Variants in GPI observed in about 807,000 individuals in gnomAD.
The protein encoded by GPI is D-hexose-6-phosphate anomerase.
In GPI, 56 loss-of-function variants were observed where a neutral mutation model predicts 75.8. The observed-to-expected ratio is 0.74, with a 90% CI of 0.60 to 0.92. GPI has a LOEUF of 0.92. Ranked by LOEUF, GPI falls within the 40% of genes least tolerant of loss-of-function variation. The probability of loss-of-function intolerance (pLI) is 0.00; values close to 1 mark genes in which losing one functional copy is unlikely to be tolerated. For missense variants in GPI, 638 were observed against 741.0 expected (o/e 0.86, Z 1.61); for synonymous variants, 288 against 285.4 (o/e 1.01, Z -0.09).
chr19:34,393,539 C>T lies in GPI; in HGVS notation c.866-189C>T. ...AACTGCAGTCCTGTTTCTCTCCTAT[C>T]CTAGGCAGAGTCAGATCCCTGCACT... is the stretch of plus-strand genomic sequence containing the variant. On this transcript the variant is annotated intron_variant, in intron 10 of 17. Coordinates refer to ENST00000356487, the MANE Select transcript of GPI (RefSeq NM_000175.5). This position sits in a 1 kb window ranked among gnomAD's most constrained non-coding sequence, Gnocchi z 4.4. 1.4e-6 allele frequency: 1 copy of T among 713,092 alleles called. No homozygotes were observed. Among genetic ancestry groups the T allele is most frequent in the Non-Finnish European group, 2.5e-6 (1 of 402,798 alleles). The allele number at this position is 713,092 out of a possible 1,614,324, so 44.2% of individuals were successfully genotyped here.
intron 9 of GPI, among the ~76,000 whole-genome samples, chr19:34,384,228 C>G (rs1420961122): frequency 6.6e-6 from 1 of 151,874 alleles, no homozygotes; most frequent in Non-Finnish European, 1.5e-5. Flanking sequence ...AGAGACCAGA[C>G]AAAGGGATGG....
chr19:34,375,011 T>C (rs2074512557), intron 4 of GPI, among the ~76,000 whole-genome samples: 1 of 152,154 alleles, frequency 6.6e-6, no homozygotes, highest in Non-Finnish European at 1.5e-5. Flanking sequence ...ATTATAGGCA[T>C]GAGCCACTGA....
chr19:34,366,957 C>T, intron 3 of GPI, 106 bp downstream of exon 3: 2 of 909,546 alleles, frequency 2.2e-6, no homozygotes, highest in Non-Finnish European at 3.7e-6. Flanking sequence ...TTGGGCAATG[C>T]TTTTGCTTAA....
At chr19:34,391,487 T>TGA (rs1216580366) in intron 9 of GPI, among the ~76,000 whole-genome samples, 1 of 916 alleles carries the variant, frequency 1.1e-3, no homozygotes, top group South Asian at 0.022. Flanking sequence ...TTCCAGTGAC[T>TGA]TAGGAGGTAC....
upstream of GPI, among the ~76,000 whole-genome samples, chr19:34,362,113 CAAA>C (rs71165651): frequency 0.16 from 12,614 of 79,468 alleles, 797 homozygotes; most frequent in African/African-American, 0.27. Context: ...GACTCCATCT[CAAA>C]AAAAAAAAAA....
In GPI at chr19:34,377,554, G is replaced by A. The variant is rs775128644; in HGVS notation, c.454G>A (p.Val152Ile). 2.5e-5 allele frequency: 40 copies of A among 1,613,150 alleles called. 1 individual carries two copies. The Middle Eastern group carries it at 4.9e-3, about 199-fold the overall frequency. ...KGYTGKTITDVINIGIGGSDL... is the reference protein window; with the variant it reads ...KGYTGKTITDIINIGIGGSDL... Reference sequence around the variant, plus strand: ...GTACACAGGCAAGACCATCACGGACGTCATCAACATTGGCATTGGCGGCTC... The same window carrying A: ...GTACACAGGCAAGACCATCACGGACATCATCAACATTGGCATTGGCGGCTC... The change falls in exon 5 of 18, where the codon GTC becomes ATC. Residue 152 changes from valine to isoleucine, a missense_variant. Transcript: ENST00000356487.
At chr19:34,391,004 G>T (rs1242093714) in intron 9 of GPI, among the ~76,000 whole-genome samples, 1 of 151,728 alleles carries the variant, frequency 6.6e-6, no homozygotes, top group Admixed American at 6.6e-5. Context: ...GTAGCACCTG[G>T]CACAGGTATG....
chr19:34,387,837 C>G (rs547689452), intron 9 of GPI, among the ~76,000 whole-genome samples: 3 of 152,246 alleles, frequency 2.0e-5, no homozygotes, highest in South Asian at 4.2e-4. Flanking sequence ...TGGGTGGGGT[C>G]TAGCACAGGA....
rs759147478 is a variant in GPI, at chr19:34,393,537, A to G, written c.866-191A>G. The stretch of plus-strand genomic sequence containing the variant: ...ACAACTGCAGTCCTGTTTCTCTCCT[A>G]TCCTAGGCAGAGTCAGATCCCTGCA... On this transcript the variant is annotated intron_variant, in intron 10 of 17. Transcript: ENST00000356487. This position sits in a 1 kb window ranked among gnomAD's most constrained non-coding sequence, Gnocchi z 4.4. 2 of 710,582 alleles carry G rather than the reference A, an allele frequency of 2.8e-6. No homozygotes were observed. Among genetic ancestry groups the G allele is most frequent in the Non-Finnish European group, 5.0e-6 (2 of 401,060 alleles). The allele number at this position is 710,582 out of a possible 1,614,324, so 44.0% of individuals were successfully genotyped here.
At chr19:34,383,536 C>T (rs1177956851) in intron 9 of GPI, among the ~76,000 whole-genome samples, 4 of 152,186 alleles carry the variant, frequency 2.6e-5, no homozygotes, top group Admixed American at 6.5e-5. Context: ...ACACACAGGT[C>T]AGCACCTGCT....
intron 9 of GPI, among the ~76,000 whole-genome samples, chr19:34,387,270 C>T (rs148105218): frequency 6.6e-5 from 10 of 152,330 alleles, no homozygotes; most frequent in South Asian, 2.1e-4. Flanking sequence ...ACCATTGCAT[C>T]GATGCTCAGT....
chr19:34,377,535 AG>A lies in GPI; in HGVS notation c.437del (p.Gly146AlafsTer22). 1 of 1,613,094 alleles carries A rather than the reference AG, an allele frequency of 6.2e-7. No individual in the cohort carries two copies. On this transcript the variant is annotated frameshift_variant, in exon 5 of 18. Transcript: ENST00000356487. LOFTEE classifies it high-confidence loss of function. ...VRSGDWKGYT[G>X]KTITDVINIG... ...GGAGCGGTGACTGGAAGGGGTACAC[AG>A]GCAAGACCATCACGGACGTCATCAA...
intron 9 of GPI, among the ~76,000 whole-genome samples, chr19:34,387,909 G>A (rs1297125114): frequency 1.3e-5 from 2 of 152,132 alleles, no homozygotes; most frequent in African/African-American, 2.4e-5. Context: ...TGAGACCTTC[G>A]GTGGTAGGGT....
At chr19:34,386,591 C>G (rs552437089) in intron 9 of GPI, among the ~76,000 whole-genome samples, 9 of 152,298 alleles carry the variant, frequency 5.9e-5, no homozygotes, top group African/African-American at 1.7e-4. Flanking sequence ...CCTGAAGAAC[C>G]AGAGTTGAGC....
chr19:34,390,466 T>A (rs2074805103), intron 9 of GPI, among the ~76,000 whole-genome samples: 1 of 151,074 alleles, frequency 6.6e-6, no homozygotes. Context: ...CTGGTACAGG[T>A]ATGTGGTGCT....
chr19:34,400,528 T>C lies in GPI; in HGVS notation c.*492T>C. 1 of 468,724 alleles carries C rather than the reference T, an allele frequency of 2.1e-6. No homozygotes were observed. The allele number at this position is 468,724 out of a possible 1,614,324, so 29.0% of individuals were successfully genotyped here. A position where few individuals can be genotyped will look rare whatever the true frequency, so the allele number is the denominator to read the frequency against. ...AATCAGTCAGGACGGCAACTTGGCC[T>C]GTGTCACCAAATCCCAAGACTGTTT... On this transcript the variant is annotated 3_prime_UTR_variant, in exon 18 of 18. Transcript: ENST00000356487.
In GPI at chr19:34,400,895, T is replaced by G. The variant is rs2075012536; in HGVS notation, c.*859T>G. 1 of 306,852 alleles carries G rather than the reference T, an allele frequency of 3.3e-6. No individual in the cohort carries two copies. Among genetic ancestry groups the G allele is most frequent in the African/African-American group, 2.2e-5 (1 of 46,242 alleles). 19.0% of individuals were successfully genotyped at this position (306,852 alleles called of 1,614,324 possible). ...CGCACACCACCATACCCAGCTAATT[T>G]TTGTATTTTTAGTAGTGAAGGGGTT... On this transcript the variant is annotated 3_prime_UTR_variant, in exon 18 of 18. Coordinates refer to ENST00000356487, the MANE Select transcript of GPI (RefSeq NM_000175.5).
chr19:34,400,226 C>T lies in GPI; in HGVS notation c.*190C>T. 3.0e-6 allele frequency: 2 copies of T among 663,942 alleles called. No homozygotes were observed. Among genetic ancestry groups the T allele is most frequent in the Non-Finnish European group, 5.4e-6 (2 of 370,042 alleles). 41.1% of individuals were successfully genotyped at this position (663,942 alleles called of 1,614,324 possible). ...CCCAGCCCCTCCATGTCTATGCTCC[C>T]TCTGTGTTAGAATTGGCTGAAGTGT... On this transcript the variant is annotated 3_prime_UTR_variant, in exon 18 of 18. Transcript: ENST00000356487.
intron 3 of GPI, 118 bp downstream of exon 3, chr19:34,366,969 G>C (rs1262130982): frequency 2.4e-6 from 2 of 838,778 alleles, no homozygotes; most frequent in South Asian, 2.8e-5. Flanking sequence ...TTTGCTTAAT[G>C]AGGGGCCTGA....
Sources: allele counts gnomAD v4.1 joint callset (sites outside exome capture counted in the v4.1 genomes callset), GRCh38; gene constraint gnomAD v4.1.1; non-coding constraint Gnocchi (gnomAD v3.1); transcripts MANE v1.5; gene names NCBI Gene and HGNC (gene_info 2026-07-23, HGNC 2026-07-21).